DCLK2: variants seen among roughly 807,000 people sequenced by gnomAD.
DCLK2 encodes doublecortin like kinase 2.
DCLK2 carries 31 observed loss-of-function variants against 78.4 expected under a neutral mutation model. That is an observed-to-expected ratio of 0.40 (90% CI 0.30 to 0.53). The LOEUF is 0.53. Among genes scored for constraint, DCLK2 ranks in the 20% least tolerant of loss-of-function variants. The pLI, the probability that DCLK2 is intolerant of heterozygous loss-of-function variation, is 0.61. For missense variants in DCLK2, 872 were observed against 973.7 expected (o/e 0.90, Z 1.39); for synonymous variants, 407 against 374.9 (o/e 1.09, Z -0.99).
At position 150,208,483 on chromosome 4, in the gene DCLK2, G is replaced by A. The variant is rs563804657; in HGVS notation, c.1056+4594G>A. On this transcript the variant is annotated intron_variant, in intron 5 of 15. Transcript: ENST00000296550. ...GTTGCCCAGGCTGGAGTGCAGTGGC[G>A]TGATCTTGGCTCACTGCAACCTCTG... Among the ~76,000 whole-genome samples the A allele has an allele frequency of 9.2e-5, 14 of 151,652 alleles. No individual in the cohort carries two copies. In the South Asian group the frequency reaches 2.7e-3, roughly 29 times the overall value.
intron 3 of DCLK2, among the ~76,000 whole-genome samples, chr4:150,197,416 G>C (rs1739127272): frequency 1.3e-5 from 2 of 152,174 alleles, no homozygotes; most frequent in African/African-American, 4.8e-5. Flanking sequence ...TGGAATTTCT[G>C]TACTTAATTA....
At chr4:150,220,855 T>G in intron 6 of DCLK2, 77 bp downstream of exon 6, 1 of 1,183,156 alleles carries the variant, frequency 8.5e-7, no homozygotes, top group African/African-American at 1.5e-5. Flanking sequence ...AACTCACTTG[T>G]GCTAAATTAC....
In DCLK2 at chr4:150,190,034, CA is replaced by C. The variant is rs71596222; in HGVS notation, c.757-3087del. Among the ~76,000 whole-genome samples the C allele has an allele frequency of 7.6e-4, 20 of 26,240 alleles. 2 individuals are homozygous for C. The highest frequency in any genetic ancestry group is 1.2e-3 in the Admixed American group (2 of 1,658). The allele number at this position is 26,240 out of a possible 152,430, so 17.2% of individuals were successfully genotyped here. On this transcript the variant is annotated intron_variant, in intron 2 of 15. Transcript: ENST00000296550. ...TGGGCATCATAGGGAGACCCTGTCT[CA>C]AAAAAAAAAAAAAAAAGGCCAAGTG...
chr4:150,244,077 G>T (rs1743123916), intron 12 of DCLK2, among the ~76,000 whole-genome samples: 1 of 151,980 alleles, frequency 6.6e-6, no homozygotes, highest in Non-Finnish European at 1.5e-5. Context: ...GAGACCACAT[G>T]TGTGCACCAC....
chr4:150,143,219 A>G (rs1230296640), intron 2 of DCLK2, among the ~76,000 whole-genome samples: 13 of 152,156 alleles, frequency 8.5e-5, no homozygotes, highest in Admixed American at 8.5e-4. Flanking sequence ...TAGTGTGCGT[A>G]TTCAATATTG....
intron 2 of DCLK2, among the ~76,000 whole-genome samples, chr4:150,127,046 C>T (rs1450366638): frequency 1.3e-5 from 2 of 152,116 alleles, no homozygotes; most frequent in Non-Finnish European, 2.9e-5. Flanking sequence ...GGCAACAATA[C>T]TAAGGAAGTT....
intron 2 of DCLK2, among the ~76,000 whole-genome samples, chr4:150,130,273 CATA>C (rs10556223): frequency 0.013 from 2,027 of 152,132 alleles, 50 homozygotes; most frequent in African/African-American, 0.044. Context: ...ATCTAAAACA[CATA>C]ATGAGAGAAG....
chr4:150,101,998 T>G (rs1034705691), intron 1 of DCLK2, among the ~76,000 whole-genome samples: 4 of 152,218 alleles, frequency 2.6e-5, no homozygotes, highest in Admixed American at 2.0e-4. Context: ...ATGTTGTGAT[T>G]ATTCTTTGAT....
intron 13 of DCLK2, 32 bp downstream of exon 13, chr4:150,247,731 T>G: frequency 1.3e-6 from 2 of 1,585,848 alleles, no homozygotes; most frequent in Non-Finnish European, 1.7e-6. Flanking sequence ...GTGGGTTGTA[T>G]TACGTTGTGG....
intron 2 of DCLK2, among the ~76,000 whole-genome samples, chr4:150,156,010 G>A (rs1244371314): frequency 1.3e-5 from 2 of 152,106 alleles, no homozygotes; most frequent in African/African-American, 4.8e-5. Context: ...ACAGATGAAT[G>A]TGAGGTAAAA....
chr4:150,233,753 G>A (rs1300225388), intron 10 of DCLK2, among the ~76,000 whole-genome samples: 2 of 151,992 alleles, frequency 1.3e-5, no homozygotes, highest in African/African-American at 2.4e-5. Context: ...TCAGCTTCCT[G>A]TCCTGTTAAT....
At chr4:150,135,018 A>G (rs1359277300) in intron 2 of DCLK2, among the ~76,000 whole-genome samples, 3 of 152,198 alleles carry the variant, frequency 2.0e-5, no homozygotes, top group Non-Finnish European at 4.4e-5. Context: ...GCTATGAGAA[A>G]ATTCTGATTT....
At chr4:150,174,366 T>C (rs1736789032) in intron 2 of DCLK2, among the ~76,000 whole-genome samples, 1 of 152,048 alleles carries the variant, frequency 6.6e-6, no homozygotes, top group Non-Finnish European at 1.5e-5. Flanking sequence ...TCAGGAAGAG[T>C]ATAGAGGCAG....
chr4:150,228,068 C>G (rs578074833), intron 8 of DCLK2, among the ~76,000 whole-genome samples: 2 of 152,166 alleles, frequency 1.3e-5, no homozygotes, highest in East Asian at 1.9e-4. Flanking sequence ...CCACCAGTCT[C>G]TGCCTCCGTC....
intron 1 of DCLK2, among the ~76,000 whole-genome samples, chr4:150,088,468 T>C (rs897112189): frequency 6.6e-6 from 1 of 152,082 alleles, no homozygotes; most frequent in Non-Finnish European, 1.5e-5. Context: ...TTCTTTTTTC[T>C]TTTTAAATTC....
intron 2 of DCLK2, among the ~76,000 whole-genome samples, chr4:150,187,142 A>G (rs748797022): frequency 1.3e-5 from 2 of 152,124 alleles, no homozygotes; most frequent in Non-Finnish European, 2.9e-5. Flanking sequence ...GCTTTAAGTC[A>G]AATCTTTCTT....
At chr4:150,203,980 A>G in intron 5 of DCLK2, 91 bp downstream of exon 5, 1 of 1,176,754 alleles carries the variant, frequency 8.5e-7, no homozygotes, top group Non-Finnish European at 1.2e-6. Flanking sequence ...GCTTGAGTAC[A>G]GTAGCAAATT....
rs1744220813 is a variant in DCLK2 at position 150,252,174 on chromosome 4, T to A, written c.2073+2490T>A. Reference sequence around the variant, plus strand: ...GATTGAGCCAACAGCATGAGAATGTTTCCAGCGATTCCCTTGCGAGAGCTA... The same window carrying A: ...GATTGAGCCAACAGCATGAGAATGTATCCAGCGATTCCCTTGCGAGAGCTA... On this transcript the variant is annotated intron_variant, in intron 15 of 15. Coordinates refer to ENST00000296550, the MANE Select transcript of DCLK2 (RefSeq NM_001040260.4). Among the ~76,000 whole-genome samples the A allele has an allele frequency of 2.0e-5, 3 of 152,234 alleles. No homozygotes were observed. In the South Asian group the frequency reaches 6.2e-4, roughly 32 times the overall value.
intron 2 of DCLK2, among the ~76,000 whole-genome samples, chr4:150,172,701 T>C (rs1275005402): frequency 6.7e-6 from 1 of 148,302 alleles, no homozygotes; most frequent in Non-Finnish European, 1.5e-5. Context: ...AGTTGATAAC[T>C]TTCTCAAGGC....
Sources: gnomAD v4.1 joint callset for allele counts (sites outside exome capture counted in the v4.1 genomes callset) on GRCh38, gnomAD v4.1.1 for gene constraint, MANE v1.5 for transcripts, NCBI Gene and HGNC (gene_info 2026-07-23, HGNC 2026-07-21) for gene names.